Variants in CAPN3 observed in about 807,000 individuals in gnomAD.
The protein encoded by CAPN3 is calpain-3.
Under a neutral mutation model 114.0 loss-of-function variants are expected in CAPN3, and 88 were observed. That is an observed-to-expected ratio of 0.77 (90% CI 0.65 to 0.92). The LOEUF (loss-of-function observed/expected upper bound fraction) is 0.92. CAPN3 is among the 40% of genes least tolerant of loss of function. The pLI is 0.00. For missense variants in CAPN3, 1,028 were observed against 1,069.0 expected (o/e 0.96, Z 0.53); for synonymous variants, 386 against 382.9 (o/e 1.01, Z -0.09).
Position 42,388,572 on chromosome 15 carries a change from G to A in CAPN3, c.633-356G>A, listed in dbSNP as rs371281427. On this transcript the variant is annotated intron_variant, in intron 4 of 23. Coordinates refer to ENST00000397163, the MANE Select transcript of CAPN3 (RefSeq NM_000070.3). ...TCCACCAGCCTTGGCCTCCCGAAGC[G>A]CTGGGATTGCCGGTGTGAGCCACCA... Among the ~76,000 whole-genome samples the A allele has an allele frequency of 2.2e-3, 335 of 152,226 alleles. 1 individual carries two copies. The highest frequency in any genetic ancestry group is 6.6e-3 in the African/African-American group (273 of 41,530).
intron 1 of CAPN3, among the ~76,000 whole-genome samples, chr15:42,370,264 A>G (rs2052909669): frequency 6.6e-6 from 1 of 152,136 alleles, no homozygotes; most frequent in African/African-American, 2.4e-5. Flanking sequence ...CTGCCTCTAA[A>G]ATTAATACTG....
intron 8 of CAPN3, among the ~76,000 whole-genome samples, chr15:42,395,027 AGAG>A (rs1468655394): frequency 6.6e-6 from 1 of 152,218 alleles, no homozygotes; most frequent in Non-Finnish European, 1.5e-5. Flanking sequence ...AGGACTCAGT[AGAG>A]GAGAAGGACC....
intron 1 of CAPN3, among the ~76,000 whole-genome samples, chr15:42,379,827 G>A (rs1014037460): frequency 6.6e-6 from 1 of 151,952 alleles, no homozygotes; most frequent in African/African-American, 2.4e-5. Context: ...ATTTAAAGTG[G>A]GTTTCTTGGC....
chr15:42,362,956 T>G (rs1009183917), intron 1 of CAPN3, among the ~76,000 whole-genome samples: 1 of 152,220 alleles, frequency 6.6e-6, no homozygotes, highest in African/African-American at 2.4e-5. Flanking sequence ...CACAGAACCT[T>G]TGGAAACCAA....
At chr15:42,392,786 CT>C in intron 7 of CAPN3, 64 bp downstream of exon 7, 1 of 1,402,460 alleles carries the variant, frequency 7.1e-7, no homozygotes, top group Non-Finnish European at 1.0e-6. Context: ...GAAGTCAGGA[CT>C]TAGCTGTTGG....
intron 9 of CAPN3, 77 bp downstream of exon 9, chr15:42,396,954 C>A: frequency 9.4e-7 from 1 of 1,066,358 alleles, no homozygotes; most frequent in Non-Finnish European, 1.5e-6. Context: ...CAGTCCCCAG[C>A]TAAGGTTATC....
chr15:42,410,849 C>T (rs746809345), intron 21 of CAPN3, 35 bp from the exon 22 acceptor site: 6 of 1,553,678 alleles, frequency 3.9e-6, no homozygotes, highest in Non-Finnish European at 5.3e-6. Flanking sequence ...AGGCCTCCAG[C>T]TCCACGTCCA....
chr15:42,399,374 C>A, intron 9 of CAPN3, 118 bp from the exon 10 acceptor site: 1 of 823,144 alleles, frequency 1.2e-6, no homozygotes, highest in Admixed American at 1.8e-5. Context: ...TCCTCTGGGA[C>A]CCTGACCAAG....
chr15:42,396,917 G>A, intron 9 of CAPN3, 40 bp downstream of exon 9: 9 of 1,401,234 alleles, frequency 6.4e-6, no homozygotes, highest in Non-Finnish European at 9.1e-6. Context: ...GGGTAAGGGT[G>A]GGGAAGAGAG....
chr15:42,406,513 T>A (rs868463240), intron 15 of CAPN3, among the ~76,000 whole-genome samples: 1 of 151,506 alleles, frequency 6.6e-6, no homozygotes, highest in Non-Finnish European at 1.5e-5. Flanking sequence ...CTCTTTTTTT[T>A]CCCCCCCAAT....
At chr15:42,390,881 C>T (rs941800582) in intron 6 of CAPN3, among the ~76,000 whole-genome samples, 1 of 150,922 alleles carries the variant, frequency 6.6e-6, no homozygotes, top group Non-Finnish European at 1.5e-5. Flanking sequence ...ACCTCTGCCT[C>T]CAAAGTTAAA....
chr15:42,361,058 G>T (rs1194478410), intron 1 of CAPN3, among the ~76,000 whole-genome samples: 2 of 152,180 alleles, frequency 1.3e-5, no homozygotes, highest in Non-Finnish European at 2.9e-5. Flanking sequence ...CGATGTTCTG[G>T]GTGCCACAGG....
intron 14 of CAPN3, 189 bp downstream of exon 14, chr15:42,403,966 G>T: frequency 1.5e-6 from 1 of 674,782 alleles, no homozygotes; most frequent in Non-Finnish European, 2.7e-6. Context: ...CTTAAGCACC[G>T]GGGGCCATTG....
chr15:42,399,612 G>A lies in CAPN3; in HGVS notation c.1314G>A (p.Trp438Ter), dbSNP rs2053807675. ...CAGTGTCTGTGAACGAGGGCCGCTG[G>A]GTACGGGGTTGCTCTGCCGGAGGCT... The part of the protein sequence containing the change: ...TWTVSVNEGR[W>*]VRGCSAGGCR... The change falls in exon 10 of 24, where the codon TGG becomes TGA. Residue 438 changes from tryptophan to a stop codon, truncating the protein, a stop_gained. Transcript: ENST00000397163. LOFTEE classifies it high-confidence loss of function. 1 of 1,612,192 alleles carries A rather than the reference G, an allele frequency of 6.2e-7. No homozygotes were observed. The highest frequency in any genetic ancestry group is 1.1e-5 in the South Asian group (1 of 90,936).
chr15:42,387,945 C>T, intron 4 of CAPN3, 59 bp downstream of exon 4: 1 of 1,600,902 alleles, frequency 6.2e-7, no homozygotes, highest in Middle Eastern at 1.7e-4. Flanking sequence ...GTTGCAAAAT[C>T]CAGCCGAGAC....
At chr15:42,368,973 G>A (rs2052860595) in intron 1 of CAPN3, among the ~76,000 whole-genome samples, 1 of 152,158 alleles carries the variant, frequency 6.6e-6, no homozygotes, top group Admixed American at 6.5e-5. Flanking sequence ...AAAGAAACAT[G>A]AAAAATGGCT....
chr15:42,374,981 AT>A (rs1266171612), intron 1 of CAPN3, among the ~76,000 whole-genome samples: 175 of 142,138 alleles, frequency 1.2e-3, no homozygotes, highest in African/African-American at 4.4e-3. Context: ...ATTTGTTTAA[AT>A]AAAAATTTAT....
Position 42,402,003 on chromosome 15 carries a change from G to C in CAPN3, c.1525-121G>C. ...ATTAGAGAGGCAGTGGAGCGGGCCT[G>C]GCAGAACAGGTGCCTGGGGGTCAGG... On this transcript the variant is annotated intron_variant, in intron 11 of 23. Transcript: ENST00000397163. 2.1e-6 allele frequency: 3 copies of C among 1,414,354 alleles called. No individual in the cohort carries two copies. In the Admixed American group the frequency reaches 5.0e-5, roughly 24 times the overall value. The allele number at this position is 1,414,354 out of a possible 1,614,324, so 87.6% of individuals were successfully genotyped here.
chr15:42,395,849 C>T (rs1255893521), intron 8 of CAPN3, among the ~76,000 whole-genome samples: 2 of 152,222 alleles, frequency 1.3e-5, no homozygotes, highest in Non-Finnish European at 2.9e-5. Flanking sequence ...CCTTACCTTT[C>T]CAGGGAGCAC....
Sources: gnomAD v4.1 joint callset for allele counts (sites outside exome capture counted in the v4.1 genomes callset) on GRCh38, gnomAD v4.1.1 for gene constraint, MANE v1.5 for transcripts, NCBI Gene and HGNC (gene_info 2026-07-23, HGNC 2026-07-21) for gene names.